DYNC1I1: variants seen among roughly 807,000 people sequenced by gnomAD.
DYNC1I1 encodes the protein cytoplasmic dynein 1 intermediate chain 1.
DYNC1I1 carries 43 observed loss-of-function variants against 86.6 expected under a neutral mutation model. The observed-to-expected ratio is 0.50, with a 90% CI of 0.39 to 0.64. The LOEUF is 0.64. Ranked by LOEUF, DYNC1I1 falls within the 30% of genes least tolerant of loss-of-function variation. DYNC1I1 has a pLI of 0.00. For missense variants in DYNC1I1, 604 were observed against 788.8 expected (o/e 0.77, Z 2.81); for synonymous variants, 262 against 283.7 (o/e 0.92, Z 0.77).
intron 4 of DYNC1I1, 112 bp downstream of exon 4, chr7:95,813,449 C>G (rs540757809): frequency 1.0e-5 from 13 of 1,297,200 alleles, no homozygotes; most frequent in Non-Finnish European, 1.2e-5. Context: ...TGCATGTGTA[C>G]TTGGACATCT....
chr7:96,095,583 T>G (rs1167040255), intron 16 of DYNC1I1, among the ~76,000 whole-genome samples: 1 of 152,280 alleles, frequency 6.6e-6, no homozygotes, highest in Non-Finnish European at 1.5e-5. Flanking sequence ...AGCTTGATTC[T>G]TACTTTATAT....
chr7:95,999,586 G>A (rs1793959487), intron 10 of DYNC1I1, among the ~76,000 whole-genome samples: 1 of 152,174 alleles, frequency 6.6e-6, no homozygotes, highest in Admixed American at 6.5e-5. Context: ...GCTGCACACG[G>A]CCTCAGCTGC....
At chr7:96,055,814 G>C (rs1412375760) in intron 14 of DYNC1I1, 6 of 152,288 alleles carry the variant, frequency 3.9e-5, no homozygotes, top group Admixed American at 3.3e-4. Context: ...CCAGGCCTCA[G>C]TGTTTATTAC....
chr7:96,030,591 T>C (rs1794786964), intron 11 of DYNC1I1, among the ~76,000 whole-genome samples: 1 of 152,078 alleles, frequency 6.6e-6, no homozygotes, highest in Non-Finnish European at 1.5e-5. Flanking sequence ...AATCCATTAG[T>C]GTTTAATGAT....
intron 14 of DYNC1I1, among the ~76,000 whole-genome samples, chr7:96,068,458 C>T (rs1478436509): frequency 6.6e-6 from 1 of 152,098 alleles, no homozygotes; most frequent in African/African-American, 2.4e-5. Flanking sequence ...AAAACCTCTC[C>T]TTGACTCTTT....
At chr7:95,909,185 A>G (rs1168568856) in intron 6 of DYNC1I1, among the ~76,000 whole-genome samples, 33 of 87,448 alleles carry the variant, frequency 3.8e-4, no homozygotes, top group Non-Finnish European at 7.4e-4. Flanking sequence ...GAGACAGCAG[A>G]AAAAAAAAAA....
chr7:95,794,661 TC>T (rs138098586), intron 1 of DYNC1I1, among the ~76,000 whole-genome samples: 4,859 of 152,264 alleles, frequency 0.032, 247 homozygotes, highest in African/African-American at 0.11. Context: ...CGAGAGCCTC[TC>T]CTGTTTAATG....
chr7:96,060,316 C>T (rs1359181369), intron 14 of DYNC1I1, among the ~76,000 whole-genome samples: 2 of 152,188 alleles, frequency 1.3e-5, no homozygotes, highest in Non-Finnish European at 2.9e-5. Context: ...GACACTCCAG[C>T]AGGCCTGAAG....
intron 1 of DYNC1I1, among the ~76,000 whole-genome samples, chr7:95,795,113 C>T (rs1480881371): frequency 1.3e-5 from 2 of 152,168 alleles, no homozygotes; most frequent in African/African-American, 4.8e-5. Context: ...ACATGTGATG[C>T]CACCAGGTGG....
At chr7:95,809,066 G>A (rs757548774) in intron 2 of DYNC1I1, among the ~76,000 whole-genome samples, 4 of 152,150 alleles carry the variant, frequency 2.6e-5, no homozygotes, top group Admixed American at 1.3e-4. Context: ...TATGCAGAGT[G>A]TCTGACTCTA....
intron 16 of DYNC1I1, among the ~76,000 whole-genome samples, chr7:96,107,586 C>T (rs1791236363): frequency 6.7e-6 from 1 of 150,018 alleles, no homozygotes; most frequent in African/African-American, 2.5e-5. Flanking sequence ...GGCTAGAGTG[C>T]AGTGGTACAA....
chr7:95,937,897 A>G (rs1353730018), intron 6 of DYNC1I1, among the ~76,000 whole-genome samples: 1 of 152,224 alleles, frequency 6.6e-6, no homozygotes, highest in East Asian at 1.9e-4. Context: ...GATGTTTGCC[A>G]TGTATGTATA....
Position 95,987,124 on chromosome 7 carries a change from G to A in DYNC1I1, c.812G>A (p.Arg271Gln), listed in dbSNP as rs952756652. 2 of 1,613,896 alleles carry A rather than the reference G, an allele frequency of 1.2e-6. No homozygotes were observed. The highest frequency in any genetic ancestry group is 1.7e-6 in the Non-Finnish European group (2 of 1,179,878). Residue 271 changes from arginine (R) to glutamine (Q), a missense_variant, in exon 9 of 17, where the codon CGA (arginine) becomes CAA (glutamine). Physicochemically the swap from Arg to Gln is conservative, Grantham distance 43. Transcript: ENST00000447467. ...QFYDEHWSKH[R>Q]VVTCMDWSLQ... ...TATGATGAACATTGGTCCAAGCATC[G>A]AGTGGTCACTTGTATGGACTGGTCC...
chr7:95,998,068 G>A (rs1351453217), intron 10 of DYNC1I1, among the ~76,000 whole-genome samples: 1 of 152,208 alleles, frequency 6.6e-6, no homozygotes, highest in Non-Finnish European at 1.5e-5. Context: ...AATACCTGTA[G>A]CAATATCTAC....
intron 15 of DYNC1I1, among the ~76,000 whole-genome samples, chr7:96,079,228 G>T (rs1348274132): frequency 1.3e-5 from 2 of 152,146 alleles, no homozygotes; most frequent in Non-Finnish European, 2.9e-5. Context: ...TGCCGGTGGT[G>T]CTAAGCCACA....
At chr7:95,830,821 G>A (rs1386639790) in intron 5 of DYNC1I1, among the ~76,000 whole-genome samples, 2 of 152,042 alleles carry the variant, frequency 1.3e-5, no homozygotes, top group African/African-American at 2.4e-5. Context: ...GCATTCCCAC[G>A]AGCAGTTTAT....
At chr7:96,006,901 G>C (rs1794155565) in intron 10 of DYNC1I1, among the ~76,000 whole-genome samples, 2 of 152,082 alleles carry the variant, frequency 1.3e-5, no homozygotes, top group Non-Finnish European at 2.9e-5. Flanking sequence ...AGAATATTTG[G>C]TTGGTTGTGT....
chr7:96,024,868 AC>A (rs1794639672), intron 10 of DYNC1I1, among the ~76,000 whole-genome samples: 1 of 152,156 alleles, frequency 6.6e-6, no homozygotes, highest in Non-Finnish European at 1.5e-5. Context: ...AAATTCTATG[AC>A]AATCAGCAGC....
chr7:96,059,807 G>A (rs959437178), intron 14 of DYNC1I1, among the ~76,000 whole-genome samples: 3 of 152,116 alleles, frequency 2.0e-5, no homozygotes, highest in Non-Finnish European at 4.4e-5. Flanking sequence ...CTTGGTTTGT[G>A]TGAGGAACAG....
Sources: allele counts gnomAD v4.1 joint callset (sites outside exome capture counted in the v4.1 genomes callset), GRCh38; gene constraint gnomAD v4.1.1; transcripts MANE v1.5; gene names NCBI Gene and HGNC (gene_info 2026-07-23, HGNC 2026-07-21).